The following MILR1 variants were observed in gnomAD, a reference collection of about 807,000 sequenced individuals.
The protein encoded by MILR1 is allergin-1.
MILR1 carries 31 observed loss-of-function variants against 18.5 expected under a neutral mutation model. The ratio of observed to expected loss-of-function variants is 1.68; its 90% confidence interval spans 1.26 to 2.26. MILR1 has a LOEUF of 2.26. Ranked by LOEUF, MILR1 falls within the 30% of genes most tolerant of loss-of-function variation. The pLI, the probability that MILR1 is intolerant of heterozygous loss-of-function variation, is 0.00. For synonymous variants in MILR1, 85 were observed against 56.2 expected, an observed-to-expected ratio of 1.51 and a Z score of -2.30; for missense variants, 257 against 157.4, an observed-to-expected ratio of 1.63 and a Z score of -3.38.
chr17:64,453,599 C>T (rs969005486), intron 3 of MILR1, among the ~76,000 whole-genome samples: 3 of 142,356 alleles, frequency 2.1e-5, no homozygotes, highest in East Asian at 2.3e-4. Context: ...CAAAGCCTCA[C>T]GCCTTTCCCA....
the MILR1 span, chr17:64,496,670 C>T: frequency 1.9e-6 from 3 of 1,613,908 alleles, no homozygotes; most frequent in African/African-American, 1.3e-5. Flanking sequence ...GCCCAAGGGT[C>T]CGAAGCCGGG....
chr17:64,468,858 G>C (rs1192776214), downstream of MILR1, among the ~76,000 whole-genome samples: 3 of 151,986 alleles, frequency 2.0e-5, no homozygotes, highest in Non-Finnish European at 4.4e-5. Flanking sequence ...GCCAAGGTGG[G>C]TGGATCACTT....
chr17:64,457,567 G>C lies in MILR1; in HGVS notation c.535G>C (p.Ala179Pro), dbSNP rs2037328830. 1 of 475,282 alleles carries C rather than the reference G, an allele frequency of 2.1e-6. No homozygotes were observed. Among genetic ancestry groups the C allele is most frequent in the African/African-American group, 2.0e-5 (1 of 50,524 alleles). The allele number at this position is 475,282 out of a possible 1,614,324, so 29.4% of individuals were successfully genotyped here. A position where few individuals can be genotyped will look rare whatever the true frequency, so the allele number is the denominator to read the frequency against. ...TATTTCCAAGTATGACAGGGAGCCT[G>C]CTGAATTTAACTTAACCAAGAAGAA... Reference protein sequence around the residue: ...PAISKYDREPAEFNLTKKNPG... With the variant: ...PAISKYDREPPEFNLTKKNPG... Residue 179 changes from alanine (A) to proline (P), a missense_variant, in exon 4 of 10, where the codon GCT (alanine) becomes CCT (proline). By Grantham distance (27) the Ala-to-Pro change is conservative (BLOSUM62 -1). Transcript: ENST00000619286.
chr17:64,478,673 G>A, the MILR1 span, among the ~76,000 whole-genome samples: 2 of 152,006 alleles, frequency 1.3e-5, no homozygotes, highest in Admixed American at 6.6e-5. Context: ...TGAGATGGGC[G>A]GATCATGAGG....
In MILR1 at chr17:64,457,618, T is replaced by A. The variant is rs1471889572; in HGVS notation, c.586T>A (p.Cys196Ser). The change falls in exon 4 of 10, where the codon TGT (cysteine) becomes AGT (serine). Residue 196 changes from cysteine (C) to serine (S), a missense_variant. Coordinates refer to ENST00000619286, the MANE Select transcript of MILR1 (RefSeq NM_001085423.2). Reference protein sequence around the residue: ...KNPGEEEEYRCEAKNRLPNYA... With the variant: ...KNPGEEEEYRSEAKNRLPNYA... ...TCCTGGAGAAGAGGAAGAGTATAGGTGTGAAGCTAAAAACAGATTGCCTAA... is the reference window on the plus strand; with the variant it reads ...TCCTGGAGAAGAGGAAGAGTATAGGAGTGAAGCTAAAAACAGATTGCCTAA... 1 of 475,128 alleles carries A rather than the reference T, an allele frequency of 2.1e-6. No individual in the cohort carries two copies. The highest frequency in any genetic ancestry group is 3.1e-5 in the East Asian group (1 of 32,050). 29.4% of individuals were successfully genotyped at this position (475,128 alleles called of 1,614,324 possible). A position where few individuals can be genotyped will look rare whatever the true frequency, so the allele number is the denominator to read the frequency against.
chr17:64,495,593 T>C, the MILR1 span, among the ~76,000 whole-genome samples: 1 of 152,150 alleles, frequency 6.6e-6, no homozygotes, highest in African/African-American at 2.4e-5. Context: ...AATTTACCAA[T>C]TCATATTTAA....
chr17:64,471,588 AT>A (rs2037687815), downstream of MILR1, among the ~76,000 whole-genome samples: 2 of 152,214 alleles, frequency 1.3e-5, no homozygotes, highest in Non-Finnish European at 2.9e-5. Flanking sequence ...GCCCAGGGAT[AT>A]GACACAGGAC....
chr17:64,467,390 C>A (rs1246244172), intron 8 of MILR1, among the ~76,000 whole-genome samples, 175 bp from the exon 9 acceptor site: 1 of 151,992 alleles, frequency 6.6e-6, no homozygotes, highest in Non-Finnish European at 1.5e-5. Context: ...GGATTACAGG[C>A]ATGAGGCATT....
intron 5 of MILR1, among the ~76,000 whole-genome samples, chr17:64,465,102 A>G (rs1225118162): frequency 2.6e-5 from 4 of 152,232 alleles, no homozygotes; most frequent in African/African-American, 9.6e-5. Context: ...TTAAAAAAAA[A>G]GAATTCAATA....
rs893975661 is a variant in MILR1 at position 64,452,704 on chromosome 17, T to A, written c.205T>A (p.Leu69Met). The change falls in exon 3 of 10, where the codon TTG (leucine) becomes ATG (methionine). Residue 69 changes from leucine (L) to methionine (M), a missense_variant. Leu to Met is a conservative substitution (Grantham distance 15). Transcript: ENST00000619286. The part of the protein sequence containing the change: ...KNKSLQITYS[L>M]FRRKTHLGTQ... ...CAAATCACTGCAGATCACCTATTCA[T>A]TGTTTCGACGTAAGACACACCTGGG... The A allele has an allele frequency of 4.2e-6, 2 of 475,068 alleles. No individual in the cohort carries two copies. The highest frequency in any genetic ancestry group is 7.7e-6 in the Non-Finnish European group (2 of 258,934). 29.4% of individuals were successfully genotyped at this position (475,068 alleles called of 1,614,324 possible).
the MILR1 span, chr17:64,496,667 G>A: frequency 6.2e-7 from 1 of 1,613,946 alleles, no homozygotes. Flanking sequence ...TACGCCCAAG[G>A]GTCCGAAGCC....
At chr17:64,476,009 G>T in the MILR1 span, among the ~76,000 whole-genome samples, 1 of 151,566 alleles carries the variant, frequency 6.6e-6, no homozygotes, top group Admixed American at 6.6e-5. Context: ...GTTTCACCAT[G>T]TTGGCCAGGC....
At chr17:64,475,649 CA>C in the MILR1 span, among the ~76,000 whole-genome samples, 396 of 86,234 alleles carry the variant, frequency 4.6e-3, 2 homozygotes, top group South Asian at 9.8e-3. Flanking sequence ...AACTCCAACT[CA>C]AAAAAAAAAA....
chr17:64,496,340 G>A, the MILR1 span: 301 of 1,039,182 alleles, frequency 2.9e-4, no homozygotes, highest in African/African-American at 4.5e-3. Flanking sequence ...CAATCCCCAA[G>A]ATCCAGCAAG....
chr17:64,484,502 T>G, the MILR1 span, among the ~76,000 whole-genome samples: 1 of 152,212 alleles, frequency 6.6e-6, no homozygotes, highest in Non-Finnish European at 1.5e-5. Context: ...CCTGGAGTGT[T>G]CTGAGCAAAG....
At chr17:64,491,414 G>T in the MILR1 span, 1 of 697,888 alleles carries the variant, frequency 1.4e-6, no homozygotes, top group Non-Finnish European at 2.3e-6. Context: ...GGGTAACAGA[G>T]CAAGACTTCA....
the MILR1 span, among the ~76,000 whole-genome samples, chr17:64,488,576 A>G: frequency 6.6e-6 from 1 of 152,152 alleles, no homozygotes; most frequent in Non-Finnish European, 1.5e-5. Context: ...AGACACTAAT[A>G]GCCACAATAC....
chr17:64,491,714 G>A, the MILR1 span: 2 of 937,846 alleles, frequency 2.1e-6, no homozygotes, highest in South Asian at 1.3e-5. Flanking sequence ...CCATGGTGCT[G>A]GCAGGGTACA....
chr17:64,482,589 A>C, the MILR1 span, among the ~76,000 whole-genome samples: 13 of 152,226 alleles, frequency 8.5e-5, no homozygotes, highest in African/African-American at 3.1e-4. Context: ...AAGTGCTGGG[A>C]TTACAGGCGT....
Sources: gnomAD v4.1 joint callset for allele counts (sites outside exome capture counted in the v4.1 genomes callset) on GRCh38, gnomAD v4.1.1 for gene constraint, MANE v1.5 for transcripts, NCBI Gene and HGNC (gene_info 2026-07-23, HGNC 2026-07-21) for gene names.